Variants in ZNF407 observed in about 807,000 individuals in gnomAD.
The protein encoded by ZNF407 is zinc finger protein 407.
A neutral mutation model predicts 131.2 loss-of-function variants in ZNF407; 17 were observed. The observed-to-expected ratio is 0.13, with a 90% CI of 0.09 to 0.19. The LOEUF (loss-of-function observed/expected upper bound fraction) is 0.19, where lower values mean the gene tolerates loss of function less well. ZNF407 is among the 10% of genes least tolerant of loss of function. The pLI is 1.00. For synonymous variants in ZNF407, 1,156 were observed against 1,062.0 expected (o/e 1.09, Z -1.72); for missense variants, 2,681 against 2,830.6 (o/e 0.95, Z 1.20).
chr18:74,803,270 C>T (rs1237406800), intron 4 of ZNF407, among the ~76,000 whole-genome samples: 1 of 152,164 alleles, frequency 6.6e-6, no homozygotes, highest in African/African-American at 2.4e-5. Flanking sequence ...GACATCAGCA[C>T]TGTGGTGGTT....
intron 8 of ZNF407, among the ~76,000 whole-genome samples, chr18:74,973,449 A>C (rs182973612): frequency 6.6e-6 from 1 of 152,312 alleles, no homozygotes; most frequent in Admixed American, 6.5e-5. Flanking sequence ...TATTTCTGTC[A>C]ATGTAGGCTA....
intron 4 of ZNF407, among the ~76,000 whole-genome samples, chr18:74,802,329 A>G (rs565869126): frequency 3.2e-4 from 48 of 152,232 alleles, no homozygotes; most frequent in African/African-American, 1.0e-3. Flanking sequence ...GGCATAGTAC[A>G]TTTTTACTCT....
intron 3 of ZNF407, among the ~76,000 whole-genome samples, chr18:74,676,624 CG>C (rs1986391577): frequency 1.3e-5 from 2 of 151,666 alleles, no homozygotes; most frequent in African/African-American, 2.4e-5. Context: ...TTAGTAGAGA[CG>C]GGGTTTCACC....
At chr18:74,702,208 C>A (rs1967513530) in intron 3 of ZNF407, among the ~76,000 whole-genome samples, 1 of 152,080 alleles carries the variant, frequency 6.6e-6, no homozygotes, top group Non-Finnish European at 1.5e-5. Context: ...GACAGTAGCT[C>A]ACGGTCAAGA....
intron 2 of ZNF407, among the ~76,000 whole-genome samples, chr18:74,639,594 CAT>C (rs1984615482): frequency 6.6e-6 from 1 of 152,198 alleles, no homozygotes; most frequent in South Asian, 2.1e-4. Flanking sequence ...GACATTTAAA[CAT>C]ATAAACCTGA....
At chr18:74,963,796 G>A (rs2145295174) in intron 8 of ZNF407, among the ~76,000 whole-genome samples, 1 of 152,288 alleles carries the variant, frequency 6.6e-6, no homozygotes, top group Non-Finnish European at 1.5e-5. Context: ...ATACTTTGCA[G>A]ATTTTTAACT....
Position 74,755,582 on chromosome 18 carries a change from GT to G in ZNF407, c.4803-25824del, listed in dbSNP as rs541126314. Among the ~76,000 whole-genome samples, 787 of 87,290 alleles carry G rather than the reference GT, an allele frequency of 9.0e-3. 11 individuals carry two copies. The highest frequency in any genetic ancestry group is 0.038 in the African/African-American group (670 of 17,566). 57.3% of individuals were successfully genotyped at this position (87,290 alleles called of 152,430 possible). A position where few individuals can be genotyped will look rare whatever the true frequency, so the allele number is the denominator to read the frequency against. ...TTCCTTCCTTCCTTCCTCCTTTCTG[GT>G]TTTTTTTTTTTTTTTTTTTTTCTGA... On this transcript the variant is annotated intron_variant, in intron 3 of 8. Transcript: ENST00000299687.
chr18:74,766,459 ATGTGGCAAT>A (rs1239574647), intron 3 of ZNF407, among the ~76,000 whole-genome samples: 1 of 152,154 alleles, frequency 6.6e-6, no homozygotes, highest in East Asian at 1.9e-4. Flanking sequence ...GAGATGATCT[ATGTGGCAAT>A]GCCTGCGCGC....
intron 3 of ZNF407, among the ~76,000 whole-genome samples, chr18:74,696,529 T>C (rs1967360041): frequency 6.6e-6 from 1 of 152,220 alleles, no homozygotes; most frequent in Non-Finnish European, 1.5e-5. Context: ...ATAGTTCTGC[T>C]TCTGGCTGTG....
At chr18:74,781,028 C>T (rs1282959588) in intron 3 of ZNF407, among the ~76,000 whole-genome samples, 1 of 152,056 alleles carries the variant, frequency 6.6e-6, no homozygotes, top group Non-Finnish European at 1.5e-5. Context: ...TTCTCTTTTA[C>T]GGTCCTTTAA....
intron 4 of ZNF407, among the ~76,000 whole-genome samples, chr18:74,788,107 A>G (rs1969755445): frequency 6.6e-6 from 1 of 152,236 alleles, no homozygotes; most frequent in Admixed American, 6.5e-5. Context: ...AGTCAGCAGG[A>G]TAGCCTTAAA....
At chr18:74,798,930 T>G (rs918437111) in intron 4 of ZNF407, among the ~76,000 whole-genome samples, 5 of 152,158 alleles carry the variant, frequency 3.3e-5, no homozygotes, top group Admixed American at 6.5e-5. Context: ...AAAATAATTT[T>G]TAATCTCTTA....
At chr18:74,628,608 AG>A (rs1983905833) in intron 1 of ZNF407, among the ~76,000 whole-genome samples, 1 of 151,938 alleles carries the variant, frequency 6.6e-6, no homozygotes, top group East Asian at 1.9e-4. Context: ...TTCAGAGACA[AG>A]GTCTCTGTCT....
intron 8 of ZNF407, among the ~76,000 whole-genome samples, chr18:75,055,002 A>G (rs1973545706): frequency 6.6e-6 from 1 of 152,252 alleles, no homozygotes; most frequent in African/African-American, 2.4e-5. Context: ...AGGAGAGGCC[A>G]GGGTGTCTCC....
At chr18:74,989,228 A>G (rs1205800910) in intron 8 of ZNF407, among the ~76,000 whole-genome samples, 2 of 152,222 alleles carry the variant, frequency 1.3e-5, no homozygotes, top group East Asian at 1.9e-4. Context: ...CTACGATTCA[A>G]TTTATGAAGC....
chr18:74,709,498 A>G (rs1461442992), intron 3 of ZNF407, among the ~76,000 whole-genome samples: 2 of 152,258 alleles, frequency 1.3e-5, no homozygotes, highest in Admixed American at 6.5e-5. Flanking sequence ...GTATTAATGT[A>G]CAATGATTAA....
chr18:75,056,232 G>A (rs752243121), intron 8 of ZNF407, among the ~76,000 whole-genome samples: 1 of 152,136 alleles, frequency 6.6e-6, no homozygotes, highest in Non-Finnish European at 1.5e-5. Flanking sequence ...GCATGTCAAA[G>A]GCTAAAAATA....
At chr18:74,740,301 A>G (rs930256886) in intron 3 of ZNF407, among the ~76,000 whole-genome samples, 2 of 152,162 alleles carry the variant, frequency 1.3e-5, no homozygotes, top group East Asian at 3.8e-4. Context: ...AAGGACTCTT[A>G]TGACTGCATT....
chr18:74,724,659 A>G (rs1033591304), intron 3 of ZNF407, among the ~76,000 whole-genome samples: 29 of 152,172 alleles, frequency 1.9e-4, no homozygotes, highest in African/African-American at 6.8e-4. Context: ...TTCCTATGCC[A>G]TTCAATATTC....
Sources: gnomAD v4.1 joint callset for allele counts (sites outside exome capture counted in the v4.1 genomes callset) on GRCh38, gnomAD v4.1.1 for gene constraint, MANE v1.5 for transcripts, NCBI Gene and HGNC (gene_info 2026-07-23, HGNC 2026-07-21) for gene names.